The following STIM2 variants were observed in gnomAD, a reference collection of about 807,000 sequenced individuals.
STIM2 encodes stromal interaction molecule 2.
A neutral mutation model predicts 85.8 loss-of-function variants in STIM2; 31 were observed. The ratio of observed to expected loss-of-function variants is 0.36; its 90% CI spans 0.27 to 0.49. The LOEUF (loss-of-function observed/expected upper bound fraction) is 0.49, where lower values mean the gene tolerates loss of function less well. STIM2 is among the 20% of genes least tolerant of loss of function. The pLI, the probability that STIM2 is intolerant of heterozygous loss-of-function variation, is 0.98. For synonymous variants in STIM2, 356 were observed against 331.1 expected (o/e 1.08, Z -0.82); for missense variants, 841 against 927.6 (o/e 0.91, Z 1.21).
intron 1 of STIM2, among the ~76,000 whole-genome samples, chr4:26,878,722 G>T (rs1358449570): frequency 6.6e-6 from 1 of 152,162 alleles, no homozygotes; most frequent in Non-Finnish European, 1.5e-5. Context: ...AACAAAAGGG[G>T]TTTAACTGAC....
chr4:26,984,935 A>T (rs779189600), intron 3 of STIM2, among the ~76,000 whole-genome samples: 30 of 152,254 alleles, frequency 2.0e-4, no homozygotes, highest in Non-Finnish European at 4.1e-4. Flanking sequence ...GAAGGAGCTC[A>T]TGAGCAAAAG....
chr4:27,000,998 A>G (rs372818651), intron 5 of STIM2, among the ~76,000 whole-genome samples: 1 of 152,126 alleles, frequency 6.6e-6, no homozygotes, highest in East Asian at 1.9e-4. Flanking sequence ...TCAGCAGTAC[A>G]TTTCTTCCCC....
intron 3 of STIM2, among the ~76,000 whole-genome samples, chr4:26,978,816 A>C (rs1447680386): frequency 2.0e-5 from 3 of 152,210 alleles, no homozygotes; most frequent in Non-Finnish European, 4.4e-5. Flanking sequence ...ACCAAGAATC[A>C]CTAGACTTTG....
intron 1 of STIM2, among the ~76,000 whole-genome samples, chr4:26,871,791 A>G (rs1228623425): frequency 7.2e-6 from 1 of 139,516 alleles, no homozygotes; most frequent in Non-Finnish European, 1.5e-5. Context: ...CAATCCTCCC[A>G]CCTCGGCCCC....
At chr4:26,867,553 T>C (rs1445238365) in intron 1 of STIM2, among the ~76,000 whole-genome samples, 1 of 152,208 alleles carries the variant, frequency 6.6e-6, no homozygotes. Flanking sequence ...ACTAAAGTTA[T>C]AAGTCAAGAG....
chr4:26,882,415 ATCTAG>A (rs1723046399), intron 1 of STIM2, among the ~76,000 whole-genome samples: 2 of 151,744 alleles, frequency 1.3e-5, no homozygotes, highest in African/African-American at 4.8e-5. Context: ...TTCTGGTTTT[ATCTAG>A]AAACCTAGTT....
At chr4:27,003,165 A>C in intron 7 of STIM2, 61 bp downstream of exon 7, 1 of 1,480,668 alleles carries the variant, frequency 6.8e-7, no homozygotes, top group Non-Finnish European at 8.9e-7. Context: ...CTGAGGAGCC[A>C]GGTCCTGTTT....
At chr4:26,952,261 C>T (rs948905984) in intron 2 of STIM2, among the ~76,000 whole-genome samples, 21 of 151,970 alleles carry the variant, frequency 1.4e-4, no homozygotes, top group Admixed American at 9.2e-4. Context: ...ATACAAATTA[C>T]GGTGTCTTGG....
intron 2 of STIM2, among the ~76,000 whole-genome samples, chr4:26,949,651 A>G (rs985406472): frequency 2.6e-5 from 4 of 152,030 alleles, no homozygotes; most frequent in Admixed American, 2.6e-4. Context: ...CCTGTGTCTC[A>G]CTCTGAAATG....
chr4:26,953,563 T>G (rs932098160), intron 2 of STIM2, among the ~76,000 whole-genome samples: 1 of 152,068 alleles, frequency 6.6e-6, no homozygotes, highest in African/African-American at 2.4e-5. Flanking sequence ...TCCTGAGTAT[T>G]GACGTCTTAA....
chr4:26,919,676 A>C, intron 2 of STIM2, 42 bp downstream of exon 2: 1 of 1,596,478 alleles, frequency 6.3e-7, no homozygotes. Flanking sequence ...CTTAGAACAG[A>C]ATGACTGCAT....
intron 1 of STIM2, among the ~76,000 whole-genome samples, chr4:26,912,205 A>G (rs1249033038): frequency 6.6e-6 from 1 of 152,184 alleles, no homozygotes; most frequent in Non-Finnish European, 1.5e-5. Context: ...AATCCTAATC[A>G]TGAGATTCAC....
At chr4:26,987,468 C>A (rs1727619951) in intron 3 of STIM2, among the ~76,000 whole-genome samples, 1 of 152,060 alleles carries the variant, frequency 6.6e-6, no homozygotes, top group African/African-American at 2.4e-5. Flanking sequence ...AATGTATAGT[C>A]CCGCCCTTCC....
chr4:26,902,007 G>T (rs1408710042), intron 1 of STIM2, among the ~76,000 whole-genome samples: 1 of 152,162 alleles, frequency 6.6e-6, no homozygotes, highest in Non-Finnish European at 1.5e-5. Flanking sequence ...ATTCTTCAGG[G>T]ATCACAGTGT....
intron 3 of STIM2, among the ~76,000 whole-genome samples, chr4:26,976,375 T>C (rs1274866174): frequency 7.0e-6 from 1 of 142,614 alleles, no homozygotes; most frequent in Non-Finnish European, 1.5e-5. Flanking sequence ...TCGGCCATCT[T>C]GGGAGTCTTT....
In STIM2 at chr4:27,019,706, T is replaced by C. The variant is rs1170904511; in HGVS notation, c.1763+1722T>C. ...GATTTTTTTTTTTTATGAGACGGAG[T>C]CTCGCTCTGTTGGAATGTTCTATGC... On this transcript the variant is annotated intron_variant, in intron 11 of 11. Transcript: ENST00000467087. 6.2e-5 allele frequency: 22 copies of C among 353,064 alleles called. No homozygotes were observed. In the Admixed American group the frequency reaches 8.0e-4, roughly 13 times the overall value. The allele number at this position is 353,064 out of a possible 1,614,324, so 21.9% of individuals were successfully genotyped here. A position where few individuals can be genotyped will look rare whatever the true frequency, so the allele number is the denominator to read the frequency against.
At chr4:26,952,916 T>C (rs1372381965) in intron 2 of STIM2, among the ~76,000 whole-genome samples, 4 of 152,164 alleles carry the variant, frequency 2.6e-5, no homozygotes, top group Admixed American at 6.6e-5. Context: ...GCCTTAGTTT[T>C]TTCATCTTTA....
At chr4:26,885,839 A>ATGTATATATATATATATATATG (rs1723205710) in intron 1 of STIM2, among the ~76,000 whole-genome samples, 2 of 23,200 alleles carry the variant, frequency 8.6e-5, no homozygotes, top group Non-Finnish European at 1.7e-4. Context: ...ATATATATAT[A>ATGTATATATATATATATATATG]TATATATATA....
intron 1 of STIM2, among the ~76,000 whole-genome samples, chr4:26,892,530 G>T (rs1039884243): frequency 6.6e-6 from 1 of 151,916 alleles, no homozygotes; most frequent in South Asian, 2.1e-4. Flanking sequence ...AATTTTTTTG[G>T]GGGGGGACGC....
Sources: allele counts gnomAD v4.1 joint callset (sites outside exome capture counted in the v4.1 genomes callset), GRCh38; gene constraint gnomAD v4.1.1; transcripts MANE v1.5; gene names NCBI Gene and HGNC (gene_info 2026-07-23, HGNC 2026-07-21).